Variants in ALG9 observed in about 807,000 individuals in gnomAD.
The protein encoded by ALG9 is ALG9 alpha-1,2-mannosyltransferase, also known as alpha-1,2-mannosyltransferase ALG9.
A neutral mutation model predicts 81.8 loss-of-function variants in ALG9; 55 were observed. The ratio of observed to expected loss-of-function variants is 0.67; its 90% confidence interval spans 0.54 to 0.84. The LOEUF is 0.84. Ranked by LOEUF, ALG9 falls within the 40% of genes least tolerant of loss-of-function variation. The pLI is 0.00. For missense variants in ALG9, 629 were observed against 745.0 expected, an observed-to-expected ratio of 0.84 and a Z score of 1.81; for synonymous variants, 278 against 274.3, an observed-to-expected ratio of 1.01 and a Z score of -0.13.
chr11:111,774,500 A>T, the ALG9 span, among the ~76,000 whole-genome samples: 2 of 152,270 alleles, frequency 1.3e-5, no homozygotes, highest in Non-Finnish European at 2.9e-5. Flanking sequence ...CTAGAAGGAC[A>T]CATGTGATGA....
intron 6 of ALG9, among the ~76,000 whole-genome samples, chr11:111,856,302 A>C (rs1958675005): frequency 2.6e-5 from 4 of 151,168 alleles, no homozygotes; most frequent in Admixed American, 2.6e-4. Context: ...AAAAAGAAAA[A>C]AAAATTGTTC....
chr11:111,774,864 C>T, the ALG9 span, among the ~76,000 whole-genome samples: 2 of 152,170 alleles, frequency 1.3e-5, no homozygotes, highest in Non-Finnish European at 2.9e-5. Context: ...CCAGCTATTC[C>T]CTGTGTATCT....
Position 111,857,604 on chromosome 11 carries a change from A to C in ALG9, c.699T>G (p.Leu233=), listed in dbSNP as rs782007512. The change falls in exon 6 of 15, where the codon CTT becomes CTG. Residue 233 remains leucine (L), a splice_region_variant and synonymous_variant. Coordinates refer to ENST00000616540, the MANE Select transcript of ALG9 (RefSeq NM_024740.2). ...GAGGAGAACTGTTAGTTTCTTACCCAAGAGCTGCACTGAATGGCCAGCCTA... is the reference window on the plus strand; with the variant it reads ...GAGGAGAACTGTTAGTTTCTTACCCCAGAGCTGCACTGAATGGCCAGCCTA... ...AILGWPFSAA[L]GLPIAFDLLV... The C allele has an allele frequency of 6.8e-6, 11 of 1,614,172 alleles. No homozygotes were observed. Among genetic ancestry groups the C allele is most frequent in the Admixed American group, 3.3e-5 (2 of 60,014 alleles).
At chr11:111,836,139 A>G in intron 13 of ALG9, 26 bp downstream of exon 13, 1 of 1,613,420 alleles carries the variant, frequency 6.2e-7, no homozygotes, top group Non-Finnish European at 8.5e-7. Context: ...CTTTTCAGAG[A>G]AGCAAGAAGA....
At chr11:111,857,831 A>G in intron 5 of ALG9, 94 bp from the exon 6 acceptor site, 1 of 1,383,506 alleles carries the variant, frequency 7.2e-7, no homozygotes. Context: ...TACCTACATT[A>G]TAAAATGTCA....
At chr11:111,834,923 C>T (rs1592159700) in intron 13 of ALG9, among the ~76,000 whole-genome samples, 2 of 152,296 alleles carry the variant, frequency 1.3e-5, no homozygotes, top group South Asian at 2.1e-4. Flanking sequence ...GTGGCAGAAA[C>T]GCCTGTCTTA....
At chr11:111,780,858 T>C (rs1565511208), downstream of ALG9, among the ~76,000 whole-genome samples, 1 of 152,126 alleles carries the variant, frequency 6.6e-6, no homozygotes, top group Non-Finnish European at 1.5e-5. Flanking sequence ...TACATAGCAG[T>C]GTGATGTGGT....
intron 9 of ALG9, among the ~76,000 whole-genome samples, chr11:111,841,616 G>C (rs551948843): frequency 6.6e-6 from 1 of 152,190 alleles, no homozygotes; most frequent in Admixed American, 6.5e-5. Context: ...AATGAGCAAC[G>C]CAAATGCGGG....
intron 14 of ALG9, among the ~76,000 whole-genome samples, chr11:111,794,260 A>C (rs1404381827): frequency 2.0e-5 from 3 of 152,106 alleles, no homozygotes; most frequent in African/African-American, 7.2e-5. Context: ...TTTTATTTTA[A>C]AAAGAAAACA....
chr11:111,870,282 G>A lies in ALG9; in HGVS notation c.220C>T (p.Leu74Phe). 1 of 1,610,744 alleles carries A rather than the reference G, an allele frequency of 6.2e-7. No individual in the cohort carries two copies. Among genetic ancestry groups the A allele is most frequent in the Non-Finnish European group, 8.5e-7 (1 of 1,179,244 alleles). The change falls in exon 2 of 15, where the codon CTC becomes TTC. Residue 74 changes from leucine (L) to phenylalanine (F), a missense_variant. Physicochemically the swap from Leu to Phe is conservative, Grantham distance 22. Transcript: ENST00000616540. Reference sequence around the variant, plus strand: ...TCACAGTCAGAGATGTTGCTCAGGAGAGCAGCACATAACCTTGCTGAAAGC... The same window carrying A: ...TCACAGTCAGAGATGTTGCTCAGGAAAGCAGCACATAACCTTGCTGAAAGC... ...CLLSARLCAA[L>F]LSNISDCDET...
At chr11:111,801,050 G>A (rs909308440) in intron 14 of ALG9, among the ~76,000 whole-genome samples, 1 of 152,168 alleles carries the variant, frequency 6.6e-6, no homozygotes, top group African/African-American at 2.4e-5. Flanking sequence ...ATAGTGAGGT[G>A]TGCAGCCCCA....
chr11:111,853,263 G>T, intron 8 of ALG9, 117 bp downstream of exon 8: 1 of 763,460 alleles, frequency 1.3e-6, no homozygotes. Flanking sequence ...AATAGGAAAA[G>T]ATAATATCAG....
intron 10 of ALG9, among the ~76,000 whole-genome samples, chr11:111,840,010 G>A (rs1235695951): frequency 3.3e-5 from 5 of 152,140 alleles, no homozygotes; most frequent in African/African-American, 7.2e-5. Flanking sequence ...ACTGACTGTG[G>A]TGACAACTGC....
the ALG9 span, among the ~76,000 whole-genome samples, chr11:111,774,244 C>T: frequency 4.0e-5 from 6 of 151,888 alleles, no homozygotes; most frequent in African/African-American, 7.3e-5. Context: ...GGCGTGGTGG[C>T]GCATGCCTGT....
At chr11:111,809,974 G>A (rs921257072) in intron 13 of ALG9, among the ~76,000 whole-genome samples, 5 of 152,144 alleles carry the variant, frequency 3.3e-5, no homozygotes, top group Non-Finnish European at 5.9e-5. Context: ...TTCAGCCATA[G>A]GTAAGCTTTG....
intron 1 of ALG9, 56 bp from the exon 2 acceptor site, chr11:111,870,426 A>G (rs1963964106): frequency 6.7e-7 from 1 of 1,491,616 alleles, no homozygotes; most frequent in South Asian, 1.4e-5. Flanking sequence ...AGGACCTGCT[A>G]ATCAGAAGAC....
chr11:111,793,039 A>G (rs951995919), intron 14 of ALG9, among the ~76,000 whole-genome samples: 1 of 152,144 alleles, frequency 6.6e-6, no homozygotes, highest in Admixed American at 6.5e-5. Flanking sequence ...GCTGGAGTGT[A>G]GTAGTGTGAT....
At chr11:111,821,786 T>C (rs1555104044) in intron 13 of ALG9, among the ~76,000 whole-genome samples, 1 of 151,944 alleles carries the variant, frequency 6.6e-6, no homozygotes, top group African/African-American at 2.4e-5. Context: ...CAGGCGCCTG[T>C]CACCACGCCC....
chr11:111,809,934 T>A (rs550608035), intron 13 of ALG9, among the ~76,000 whole-genome samples, 161 bp from the exon 14 acceptor site: 1 of 152,242 alleles, frequency 6.6e-6, no homozygotes, highest in South Asian at 2.1e-4. Flanking sequence ...ATAAGAGTAT[T>A]CAGGCTCTTG....
Sources: allele counts gnomAD v4.1 joint callset (sites outside exome capture counted in the v4.1 genomes callset), GRCh38; gene constraint gnomAD v4.1.1; transcripts MANE v1.5; gene names NCBI Gene and HGNC (gene_info 2026-07-23, HGNC 2026-07-21).